CST8: variants seen among roughly 807,000 people sequenced by gnomAD.
CST8 encodes the protein cystatin 8.
A neutral mutation model predicts 11.8 loss-of-function variants in CST8; 20 were observed. The observed-to-expected ratio is 1.70, with a 90% confidence interval of 1.20 to 2.47. CST8 has a LOEUF of 2.47. Among genes scored for constraint, CST8 ranks in the 30% most tolerant of loss-of-function variants. CST8 has a pLI of 0.00. For synonymous variants in CST8, 77 were observed against 63.1 expected, an observed-to-expected ratio of 1.22 and a Z score of -1.05; for missense variants, 196 against 167.2, an observed-to-expected ratio of 1.17 and a Z score of -0.95.
At chr20:23,495,638 T>C (rs949357487) in intron 3 of CST8, among the ~76,000 whole-genome samples, 193 bp from the exon 4 acceptor site, 11 of 152,190 alleles carry the variant, frequency 7.2e-5, no homozygotes, top group African/African-American at 2.4e-4. Context: ...CAGAGATCCC[T>C]CTGGGAAACT....
chr20:23,498,523 G>T (rs561198183), downstream of CST8, among the ~76,000 whole-genome samples: 1 of 152,168 alleles, frequency 6.6e-6, no homozygotes, highest in Non-Finnish European at 1.5e-5. Context: ...TAGCCAATGC[G>T]TGTTTCAGGA....
At chr20:23,495,156 G>C (rs77727180) in intron 3 of CST8, among the ~76,000 whole-genome samples, 2 of 152,094 alleles carry the variant, frequency 1.3e-5, no homozygotes, top group East Asian at 3.9e-4. Flanking sequence ...ATGTTTTATG[G>C]CTGTGTAGAA....
intron 3 of CST8, among the ~76,000 whole-genome samples, chr20:23,494,494 A>G (rs6106672): frequency 0.026 from 3,966 of 152,108 alleles, 82 homozygotes; most frequent in African/African-American, 0.055. Flanking sequence ...AGTACTTTTT[A>G]TTGCATATTT....
chr20:23,497,693 G>C (rs1309098322), downstream of CST8, among the ~76,000 whole-genome samples: 5 of 152,170 alleles, frequency 3.3e-5, no homozygotes, highest in Admixed American at 6.5e-5. Context: ...TGTCTTACAT[G>C]GTGGCAGGCA....
At chr20:23,496,741 C>T (rs183578833), downstream of CST8, among the ~76,000 whole-genome samples, 1,008 of 152,284 alleles carry the variant, frequency 6.6e-3, 9 homozygotes, top group South Asian at 0.013. Context: ...TGGCCGCCCC[C>T]CAAAGCGGCC....
intron 3 of CST8, among the ~76,000 whole-genome samples, chr20:23,494,241 G>A (rs902360138): frequency 3.3e-5 from 5 of 151,898 alleles, no homozygotes; most frequent in East Asian, 3.9e-4. Context: ...ATTTTCTCCC[G>A]GGCTTTTAGG....
At chr20:23,502,398 C>T in the CST8 span, among the ~76,000 whole-genome samples, 16 of 152,192 alleles carry the variant, frequency 1.1e-4, no homozygotes, top group African/African-American at 2.7e-4. Context: ...CTGCTTGCAG[C>T]GGAATCTCAC....
At chr20:23,491,415 G>A (rs1464590569) in intron 1 of CST8, 73 bp downstream of exon 1, 3 of 539,528 alleles carry the variant, frequency 5.6e-6, no homozygotes, top group East Asian at 3.3e-5. Flanking sequence ...TCAGGGTAAG[G>A]AGGGGAGGCT....
chr20:23,503,901 G>A, the CST8 span, among the ~76,000 whole-genome samples: 2 of 152,188 alleles, frequency 1.3e-5, no homozygotes, highest in African/African-American at 4.8e-5. Context: ...GAGGATGCAC[G>A]CTCAGAGCCG....
At chr20:23,502,635 T>G in the CST8 span, among the ~76,000 whole-genome samples, 2 of 152,172 alleles carry the variant, frequency 1.3e-5, no homozygotes, top group Non-Finnish European at 2.9e-5. Context: ...ACCCAAACCT[T>G]CACGTGATTC....
chr20:23,505,724 G>A, the CST8 span, among the ~76,000 whole-genome samples: 1 of 152,168 alleles, frequency 6.6e-6, no homozygotes, highest in African/African-American at 2.4e-5. Context: ...TTGCTGCACA[G>A]ATGTGGGCCA....
chr20:23,506,315 G>T, the CST8 span, among the ~76,000 whole-genome samples: 4 of 152,098 alleles, frequency 2.6e-5, no homozygotes, highest in African/African-American at 9.7e-5. Context: ...GTGCTGTGGG[G>T]GTCCTAGACT....
the CST8 span, among the ~76,000 whole-genome samples, chr20:23,504,501 G>A: frequency 6.6e-6 from 1 of 152,186 alleles, no homozygotes; most frequent in African/African-American, 2.4e-5. Flanking sequence ...TATTAATTTT[G>A]CCTCAGTCTC....
In CST8 at chr20:23,495,874, G is replaced by A. The variant is rs761459406; in HGVS notation, c.389G>A (p.Gly130Asp). Residue 130 changes from glycine to aspartate, a missense_variant, in exon 4 of 4, where the codon GGT becomes GAT. By Grantham distance (94) the Gly-to-Asp change is moderately conservative. Transcript: ENST00000246012. The stretch of plus-strand genomic sequence containing the variant: ...TTGGTAGGAGCACTTCCCTGGAATG[G>A]TGAATTCACTGTGATGGAGAAAAAG... Reference protein sequence around the residue: ...SFLVGALPWNGEFTVMEKKCE... With the variant: ...SFLVGALPWNDEFTVMEKKCE... 3.7e-6 allele frequency: 6 copies of A among 1,612,180 alleles called. No individual in the cohort carries two copies. Among genetic ancestry groups the A allele is most frequent in the Non-Finnish European group, 4.2e-6 (5 of 1,179,454 alleles).
At chr20:23,499,554 C>T (rs1988134647), downstream of CST8, among the ~76,000 whole-genome samples, 4 of 152,198 alleles carry the variant, frequency 2.6e-5, no homozygotes, top group South Asian at 8.3e-4. Flanking sequence ...GCTGTCTGGG[C>T]CTGAAATGCA....
rs1249401957 is a variant in CST8 at position 23,495,907 on chromosome 20, A to G, written c.422A>G (p.Asp141Gly). 1.9e-6 allele frequency: 3 copies of G among 1,609,556 alleles called. No individual in the cohort carries two copies. The highest frequency in any genetic ancestry group is 2.5e-6 in the Non-Finnish European group (3 of 1,178,378). The change falls in exon 4 of 4, where the codon GAT becomes GGT. Residue 141 changes from aspartate to glycine, a missense_variant. Coordinates refer to ENST00000246012, the MANE Select transcript of CST8 (RefSeq NM_005492.4). Reference protein sequence around the residue: ...EFTVMEKKCEDA With the variant: ...EFTVMEKKCEGA ...ACTGTGATGGAGAAAAAGTGTGAAG[A>G]TGCTTAATGGTGTTTTGAGGCATCC...
the CST8 span, among the ~76,000 whole-genome samples, chr20:23,501,504 G>A: frequency 3.3e-5 from 5 of 152,228 alleles, no homozygotes; most frequent in African/African-American, 9.6e-5. Context: ...GACACCTACC[G>A]CTCGCTATGG....
downstream of CST8, among the ~76,000 whole-genome samples, chr20:23,499,427 G>A (rs376634157): frequency 1.8e-4 from 27 of 152,136 alleles, no homozygotes; most frequent in South Asian, 4.4e-3. Context: ...CACAACACAC[G>A]TGCATTCACA....
chr20:23,494,939 AT>A (rs1174238419), intron 3 of CST8, among the ~76,000 whole-genome samples: 1 of 151,888 alleles, frequency 6.6e-6, no homozygotes, highest in Non-Finnish European at 1.5e-5. Flanking sequence ...CCGATATGGT[AT>A]TTTTTTCTGA....
Sources: gnomAD v4.1 joint callset for allele counts (sites outside exome capture counted in the v4.1 genomes callset) on GRCh38, gnomAD v4.1.1 for gene constraint, MANE v1.5 for transcripts, NCBI Gene and HGNC (gene_info 2026-07-23, HGNC 2026-07-21) for gene names.